The following RB1 variants were observed in gnomAD, a reference collection of about 807,000 sequenced individuals.
The protein encoded by RB1 is RB transcriptional corepressor 1, also known as retinoblastoma-associated protein.
In RB1, 18 loss-of-function variants were observed where a neutral mutation model predicts 135.4. That is an observed-to-expected ratio of 0.13 (90% CI 0.09 to 0.20). RB1 has a LOEUF of 0.20. RB1 is among the 10% of genes least tolerant of loss of function. The pLI, the probability that RB1 is intolerant of heterozygous loss-of-function variation, is 1.00. For synonymous variants in RB1, 365 were observed against 373.2 expected (o/e 0.98, Z 0.25); for missense variants, 868 against 1,110.0 (o/e 0.78, Z 3.10).
chr13:48,441,575 G>GACT (rs1653929233), intron 17 of RB1, among the ~76,000 whole-genome samples: 1 of 152,080 alleles, frequency 6.6e-6, no homozygotes, highest in South Asian at 2.1e-4. Context: ...GGTCCACCTA[G>GACT]AAGTAGAAGC....
chr13:48,321,156 C>T (rs78206752), intron 2 of RB1, among the ~76,000 whole-genome samples: 5,212 of 152,164 alleles, frequency 0.034, 301 homozygotes, highest in African/African-American at 0.12. Flanking sequence ...GCTTGCGTCC[C>T]GCGTCCCGCA....
At chr13:48,321,918 T>G (rs1269136450) in intron 2 of RB1, among the ~76,000 whole-genome samples, 2 of 152,176 alleles carry the variant, frequency 1.3e-5, no homozygotes, top group Admixed American at 6.5e-5. Flanking sequence ...GGATTATTTG[T>G]TTTCTTCTTG....
chr13:48,397,265 C>G (rs1013595985), intron 17 of RB1, among the ~76,000 whole-genome samples: 1 of 152,104 alleles, frequency 6.6e-6, no homozygotes, highest in Non-Finnish European at 1.5e-5. Flanking sequence ...CAGTGGTAGA[C>G]TGGATAAAGA....
intron 17 of RB1, among the ~76,000 whole-genome samples, chr13:48,383,717 C>T (rs768358489): frequency 4.9e-4 from 75 of 151,936 alleles, no homozygotes; most frequent in Admixed American, 9.8e-4. Context: ...TGAATTTACA[C>T]TTGATAAGGA....
chr13:48,464,122 A>G (rs939665549), intron 21 of RB1, among the ~76,000 whole-genome samples: 3 of 152,226 alleles, frequency 2.0e-5, no homozygotes, highest in Admixed American at 2.0e-4. Flanking sequence ...GACATGAGTC[A>G]TAGAACATTA....
intron 2 of RB1, among the ~76,000 whole-genome samples, chr13:48,313,844 G>A (rs1028402047): frequency 4.0e-5 from 6 of 149,770 alleles, no homozygotes; most frequent in Non-Finnish European, 7.4e-5. Flanking sequence ...CGCCTCCCGG[G>A]TTCATGCCAT....
intron 20 of RB1, among the ~76,000 whole-genome samples, chr13:48,463,197 CT>C (rs1949416398): frequency 6.6e-6 from 1 of 152,034 alleles, no homozygotes; most frequent in African/African-American, 2.4e-5. Context: ...ATGTAAAAAC[CT>C]GTGTATCAAA....
At chr13:48,408,369 C>T (rs1339931093) in intron 17 of RB1, among the ~76,000 whole-genome samples, 2 of 151,968 alleles carry the variant, frequency 1.3e-5, no homozygotes, top group Non-Finnish European at 2.9e-5. Context: ...TGCTGGAAAG[C>T]CATTTTTCCA....
intron 17 of RB1, chr13:48,408,498 A>G (rs1470608418): frequency 6.6e-6 from 1 of 152,114 alleles, no homozygotes; most frequent in African/African-American, 2.4e-5. Flanking sequence ...CACAGTTTTT[A>G]TAGGGGGGCT....
chr13:48,387,686 G>A (rs896220503), intron 17 of RB1, among the ~76,000 whole-genome samples: 1 of 151,972 alleles, frequency 6.6e-6, no homozygotes, highest in Non-Finnish European at 1.5e-5. Flanking sequence ...CTATTGAATT[G>A]TACACATTAA....
chr13:48,374,496 T>C (rs1952798270), intron 12 of RB1, among the ~76,000 whole-genome samples: 1 of 152,242 alleles, frequency 6.6e-6, no homozygotes, highest in Non-Finnish European at 1.5e-5. Flanking sequence ...TCTCTTGCTA[T>C]GTTCCCCCAG....
At chr13:48,306,871 G>C (rs1952084901) in intron 1 of RB1, among the ~76,000 whole-genome samples, 1 of 152,190 alleles carries the variant, frequency 6.6e-6, no homozygotes, top group South Asian at 2.1e-4. Context: ...ATGAAACATT[G>C]ATAAGAGAAG....
rs188603825 is a variant in RB1, at chr13:48,304,577, G to A, written c.137+528G>A. The stretch of plus-strand genomic sequence containing the variant: ...TTGGACAAGAAGCGCAGGGTCCTGA[G>A]TGTCCATTGCCCACAGGATACTCGG... On this transcript the variant is annotated intron_variant, in intron 1 of 26. Coordinates refer to ENST00000267163, the MANE Select transcript of RB1 (RefSeq NM_000321.3). Among the ~76,000 whole-genome samples the A allele has an allele frequency of 1.9e-3, 289 of 152,242 alleles. 2 individuals are homozygous for A. Among genetic ancestry groups the A allele is most frequent in the Admixed American group, 4.1e-3 (62 of 15,296 alleles).
intron 2 of RB1, among the ~76,000 whole-genome samples, chr13:48,331,247 A>G (rs1326805918): frequency 6.6e-6 from 1 of 152,238 alleles, no homozygotes; most frequent in Non-Finnish European, 1.5e-5. Flanking sequence ...TGTCACTTGC[A>G]TTCAACATAG....
intron 9 of RB1, among the ~76,000 whole-genome samples, chr13:48,365,804 TCA>T (rs1472756281): frequency 6.6e-6 from 1 of 152,312 alleles, no homozygotes; most frequent in East Asian, 1.9e-4. Flanking sequence ...TCACTCTCAG[TCA>T]CTATCCTTAA....
chr13:48,458,494 T>A (rs990572676), intron 19 of RB1, among the ~76,000 whole-genome samples: 12 of 152,322 alleles, frequency 7.9e-5, no homozygotes, highest in Admixed American at 3.9e-4. Context: ...GTTAGAGCAG[T>A]GGTTTTCAAA....
chr13:48,409,675 G>T (rs1434794039), intron 17 of RB1, among the ~76,000 whole-genome samples: 1 of 139,968 alleles, frequency 7.1e-6, no homozygotes, highest in African/African-American at 2.6e-5. Flanking sequence ...CTGACTCCTG[G>T]GTTCAAGCGA....
intron 20 of RB1, among the ~76,000 whole-genome samples, chr13:48,461,132 A>G (rs1949402533): frequency 6.6e-6 from 1 of 152,158 alleles, no homozygotes; most frequent in African/African-American, 2.4e-5. Flanking sequence ...GTATCACACC[A>G]GAAAGAAACT....
rs115596308 is a variant in RB1, at chr13:48,411,837, G to C, written c.1695+30394G>C. On this transcript the variant is annotated intron_variant, in intron 17 of 26. Transcript: ENST00000267163. ...AGAACAAGTTACATTTAAAATTAGA[G>C]GAATAAAAAATCCCACTATTTCGAT... 3.7e-6 allele frequency: 6 copies of C among 1,612,982 alleles called. No homozygotes were observed. The highest frequency in any genetic ancestry group is 5.1e-6 in the Non-Finnish European group (6 of 1,179,026).
Sources: allele counts gnomAD v4.1 joint callset (sites outside exome capture counted in the v4.1 genomes callset), GRCh38; gene constraint gnomAD v4.1.1; transcripts MANE v1.5; gene names NCBI Gene and HGNC (gene_info 2026-07-23, HGNC 2026-07-21).